The following NBEA variants were observed in gnomAD, a reference collection of about 807,000 sequenced individuals.
NBEA encodes lysosomal-trafficking regulator 2.
A neutral mutation model predicts 343.4 loss-of-function variants in NBEA; 44 were observed. The observed-to-expected ratio is 0.13, with a 90% CI of 0.10 to 0.16. The LOEUF (loss-of-function observed/expected upper bound fraction) is 0.16. Among genes scored for constraint, NBEA ranks in the 10% least tolerant of loss-of-function variants. The pLI is 1.00. For synonymous variants in NBEA, 1,175 were observed against 1,238.7 expected (o/e 0.95, Z 1.08); for missense variants, 2,555 against 3,631.3 (o/e 0.70, Z 7.62).
chr13:35,065,650 C>T (rs2063624485), intron 8 of NBEA, among the ~76,000 whole-genome samples: 2 of 152,010 alleles, frequency 1.3e-5, no homozygotes, highest in Non-Finnish European at 2.9e-5. Context: ...TTCACTTTCT[C>T]TTAAATCTTT....
intron 45 of NBEA, among the ~76,000 whole-genome samples, chr13:35,567,287 C>A (rs1481958599): frequency 2.6e-5 from 4 of 152,158 alleles, no homozygotes; most frequent in Non-Finnish European, 5.9e-5. Context: ...GCTTTAAAGT[C>A]AAGGTTAAAA....
intron 31 of NBEA, 113 bp from the exon 32 acceptor site, chr13:35,208,587 A>G (rs1443711955): frequency 3.1e-6 from 3 of 979,542 alleles, no homozygotes; most frequent in Admixed American, 3.6e-5. Context: ...TTTTTTTTTA[A>G]TTAAAAGAAG....
At chr13:35,164,619 G>T (rs1006373821) in intron 24 of NBEA, 110 bp downstream of exon 24, 1 of 1,186,434 alleles carries the variant, frequency 8.4e-7, no homozygotes, top group African/African-American at 1.6e-5. Context: ...TACTTTTTAG[G>T]CAAATTTTTA....
chr13:35,640,477 G>T (rs1176161583), intron 49 of NBEA, among the ~76,000 whole-genome samples: 2 of 152,164 alleles, frequency 1.3e-5, no homozygotes, highest in Admixed American at 6.5e-5. Context: ...TTTGTACAGG[G>T]CATAAACAGC....
intron 36 of NBEA, among the ~76,000 whole-genome samples, chr13:35,343,529 C>T (rs1027744389): frequency 6.6e-6 from 1 of 152,080 alleles, no homozygotes; most frequent in Admixed American, 6.6e-5. Flanking sequence ...AGGCTAGTAC[C>T]AGTCCTTGGC....
intron 32 of NBEA, among the ~76,000 whole-genome samples, chr13:35,210,653 G>T (rs77828185): frequency 6.6e-6 from 1 of 152,140 alleles, no homozygotes; most frequent in African/African-American, 2.4e-5. Context: ...ACAAATTTAC[G>T]CTCAGATAGT....
intron 38 of NBEA, among the ~76,000 whole-genome samples, chr13:35,395,705 G>A (rs1455531584): frequency 6.6e-6 from 1 of 152,048 alleles, no homozygotes; most frequent in Non-Finnish European, 1.5e-5. Flanking sequence ...TAATATGTTT[G>A]TCTACTCATT....
chr13:35,103,817 C>T (rs1378646383), intron 11 of NBEA, among the ~76,000 whole-genome samples: 2 of 151,816 alleles, frequency 1.3e-5, no homozygotes, highest in East Asian at 3.9e-4. Flanking sequence ...TGTTGTCTTA[C>T]TGTCAAAATG....
intron 38 of NBEA, among the ~76,000 whole-genome samples, chr13:35,404,475 C>T (rs367843462): frequency 1.3e-5 from 2 of 151,182 alleles, no homozygotes; most frequent in Non-Finnish European, 2.9e-5. Flanking sequence ...AAATTGGAAA[C>T]CATCATTCTC....
chr13:35,253,717 G>A (rs981716130), intron 34 of NBEA, among the ~76,000 whole-genome samples: 21 of 152,156 alleles, frequency 1.4e-4, no homozygotes, highest in Admixed American at 5.9e-4. Flanking sequence ...TACTACATGG[G>A]AGAGTTGATT....
intron 41 of NBEA, among the ~76,000 whole-genome samples, chr13:35,537,291 C>G (rs2078604489): frequency 2.0e-5 from 3 of 151,598 alleles, no homozygotes; most frequent in Admixed American, 1.3e-4. Flanking sequence ...ATATATAGAC[C>G]CTGTATATAT....
chr13:35,572,002 C>T (rs1164048101), intron 45 of NBEA, among the ~76,000 whole-genome samples: 1 of 152,074 alleles, frequency 6.6e-6, no homozygotes, highest in African/African-American at 2.4e-5. Context: ...TTTGATTAGA[C>T]ATCACAGGTT....
intron 35 of NBEA, among the ~76,000 whole-genome samples, chr13:35,300,595 C>T (rs17052026): frequency 0.042 from 6,368 of 152,128 alleles, 152 homozygotes; most frequent in South Asian, 0.078. Context: ...AAAACTATTT[C>T]GTTTACATGC....
intron 45 of NBEA, among the ~76,000 whole-genome samples, chr13:35,582,520 A>C (rs1008867109): frequency 8.5e-5 from 13 of 152,250 alleles, no homozygotes; most frequent in Non-Finnish European, 7.4e-5. Context: ...TAAACCTTAG[A>C]ACTTTTTAAA....
At chr13:35,182,134 T>C (rs1452373538) in intron 28 of NBEA, among the ~76,000 whole-genome samples, 8 of 151,546 alleles carry the variant, frequency 5.3e-5, no homozygotes, top group Non-Finnish European at 1.2e-4. Flanking sequence ...TTTAATATTC[T>C]AGTTTTTGGA....
At chr13:35,235,467 C>A (rs1453764628) in intron 34 of NBEA, among the ~76,000 whole-genome samples, 1 of 151,992 alleles carries the variant, frequency 6.6e-6, no homozygotes, top group Non-Finnish European at 1.5e-5. Context: ...TAAAATAAAA[C>A]AGGGAATAAA....
chr13:35,246,257 A>G (rs569723973), intron 34 of NBEA, among the ~76,000 whole-genome samples: 1 of 152,288 alleles, frequency 6.6e-6, no homozygotes, highest in Admixed American at 6.5e-5. Flanking sequence ...TGATTAGCTT[A>G]ATAATCAACC....
At chr13:35,258,576 C>A (rs933703858) in intron 34 of NBEA, among the ~76,000 whole-genome samples, 2 of 151,234 alleles carry the variant, frequency 1.3e-5, no homozygotes, top group Non-Finnish European at 2.9e-5. Flanking sequence ...TTTAGCCCAT[C>A]CATAGACTAC....
At chr13:35,237,264 A>T (rs1180295968) in intron 34 of NBEA, among the ~76,000 whole-genome samples, 1 of 152,100 alleles carries the variant, frequency 6.6e-6, no homozygotes, top group East Asian at 1.9e-4. Flanking sequence ...AAAGAAAATA[A>T]GGAAGGATTG....
Sources: gnomAD v4.1 joint callset for allele counts (sites outside exome capture counted in the v4.1 genomes callset) on GRCh38, gnomAD v4.1.1 for gene constraint, MANE v1.5 for transcripts, NCBI Gene and HGNC (gene_info 2026-07-23, HGNC 2026-07-21) for gene names.